ANKRD11: variants seen among roughly 807,000 people sequenced by gnomAD.
The protein encoded by ANKRD11 is ankyrin repeat domain-containing protein 11.
In ANKRD11, 17 loss-of-function variants were observed where a neutral mutation model predicts 195.7. The observed-to-expected ratio is 0.09, with a 90% confidence interval of 0.06 to 0.13. ANKRD11 has a LOEUF of 0.13. Ranked by LOEUF, ANKRD11 falls within the 10% of genes least tolerant of loss-of-function variation. The pLI, the probability that ANKRD11 is intolerant of heterozygous loss-of-function variation, is 1.00. For synonymous variants in ANKRD11, 1,953 were observed against 1,528.1 expected (o/e 1.28, Z -6.49); for missense variants, 3,735 against 3,566.1 (o/e 1.05, Z -1.21).
chr16:89,450,656 C>T (rs954888284), intron 1 of ANKRD11, among the ~76,000 whole-genome samples: 7 of 152,142 alleles, frequency 4.6e-5, no homozygotes, highest in Non-Finnish European at 8.8e-5. Flanking sequence ...TCTCCAAATT[C>T]TCAAAACATT....
chr16:89,371,315 G>A (rs1422352969), intron 2 of ANKRD11, among the ~76,000 whole-genome samples: 2 of 152,184 alleles, frequency 1.3e-5, no homozygotes, highest in Non-Finnish European at 2.9e-5. Flanking sequence ...AACAAATAAA[G>A]AATAAGAAAG....
At chr16:89,376,813 G>C (rs1161509396) in intron 2 of ANKRD11, among the ~76,000 whole-genome samples, 1 of 152,228 alleles carries the variant, frequency 6.6e-6, no homozygotes, top group Non-Finnish European at 1.5e-5. Flanking sequence ...ACATTTGTTA[G>C]TAAGAAAGAG....
In ANKRD11 at chr16:89,280,605, G is replaced by C; in HGVS notation, c.5937C>G (p.Leu1979=). The change falls in exon 9 of 13, where the codon CTC becomes CTG. Residue 1979 remains leucine (L), a synonymous_variant. Transcript: ENST00000301030. ...NPVSWPVGSD[L]LLKSPQRFPE... Reference sequence around the variant, plus strand: ...GGAATCTCTGTGGAGACTTCAGCAGGAGGTCCGAGCCCACAGGCCAGCTCA... The same window carrying C: ...GGAATCTCTGTGGAGACTTCAGCAGCAGGTCCGAGCCCACAGGCCAGCTCA... 1 of 1,613,516 alleles carries C rather than the reference G, an allele frequency of 6.2e-7. No individual in the cohort carries two copies.
At position 89,280,877 on chromosome 16, in the gene ANKRD11, T is replaced by C. The variant is rs202034147; in HGVS notation, c.5665A>G (p.Lys1889Glu). ...TCGGCTCTGGGGGAAGGGGAAGGTT[T>C]TGCTTGTAAACTTGAGAAGACGCCC... Reference protein sequence around the residue: ...PEGVFSSLQAKPSPSPRAELL... With the variant: ...PEGVFSSLQAEPSPSPRAELL... Residue 1889 changes from lysine (K) to glutamate (E), a missense_variant, in exon 9 of 13, where the codon AAA becomes GAA. Physicochemically the swap from Lys to Glu is moderately conservative, Grantham distance 56. Transcript: ENST00000301030. The C allele has an allele frequency of 5.1e-4, 811 of 1,604,228 alleles. 6 individuals are homozygous for C. In the East Asian group the frequency reaches 0.016, roughly 32 times the overall value.
intron 2 of ANKRD11, among the ~76,000 whole-genome samples, chr16:89,348,336 T>C (rs1461719414): frequency 2.6e-5 from 4 of 152,194 alleles, no homozygotes; most frequent in African/African-American, 9.6e-5. Context: ...CTAAACCAAA[T>C]TTGAACTTCT....
intron 1 of ANKRD11, chr16:89,422,090 G>A (rs984568882): frequency 9.9e-5 from 15 of 152,234 alleles, no homozygotes; most frequent in African/African-American, 3.4e-4. Context: ...CCTTTAAGTG[G>A]GTTATTTGCC....
intron 4 of ANKRD11, among the ~76,000 whole-genome samples, chr16:89,302,165 G>T (rs1468532150): frequency 2.0e-5 from 3 of 152,256 alleles, no homozygotes; most frequent in African/African-American, 7.2e-5. Context: ...CTCCTCTGGG[G>T]GAAGGAGGGG....
intron 2 of ANKRD11, chr16:89,403,790 G>A (rs149915612): frequency 1.3e-3 from 195 of 152,278 alleles, no homozygotes; most frequent in African/African-American, 4.4e-3. Context: ...AAAATTAGGC[G>A]GGTGTGGTGA....
intron 1 of ANKRD11, among the ~76,000 whole-genome samples, chr16:89,449,153 C>G (rs1260580707): frequency 6.7e-6 from 1 of 150,094 alleles, no homozygotes; most frequent in Admixed American, 6.6e-5. Context: ...GAATTTAAGA[C>G]CTGCCTAACC....
chr16:89,409,407 C>T (rs1462807495), intron 2 of ANKRD11, among the ~76,000 whole-genome samples: 1 of 152,218 alleles, frequency 6.6e-6, no homozygotes, highest in Non-Finnish European at 1.5e-5. Flanking sequence ...CATTCTTCCT[C>T]CGTGGGTTGC....
At chr16:89,357,675 GC>G in intron 2 of ANKRD11, among the ~76,000 whole-genome samples, 1 of 152,316 alleles carries the variant, frequency 6.6e-6, no homozygotes, top group South Asian at 2.1e-4. Flanking sequence ...ACGCGACTCA[GC>G]CCTAACGAGG....
At chr16:89,449,207 A>G (rs1375927501) in intron 1 of ANKRD11, among the ~76,000 whole-genome samples, 1 of 151,778 alleles carries the variant, frequency 6.6e-6, no homozygotes, top group Non-Finnish European at 1.5e-5. Context: ...AAAAAAAAGA[A>G]AAATTTGCAG....
At chr16:89,359,946 A>AT (rs1322863644) in intron 2 of ANKRD11, among the ~76,000 whole-genome samples, 5 of 151,898 alleles carry the variant, frequency 3.3e-5, no homozygotes, top group African/African-American at 1.2e-4. Context: ...GTACTACATA[A>AT]GTAAACACAT....
In ANKRD11 at chr16:89,281,748, G is replaced by C; in HGVS notation, c.4794C>G (p.His1598Gln). 6.2e-7 allele frequency: 1 copy of C among 1,613,964 alleles called. No individual in the cohort carries two copies. Among genetic ancestry groups the C allele is most frequent in the Non-Finnish European group, 8.5e-7 (1 of 1,179,996 alleles). Reference sequence around the variant, plus strand: ...GCTTCATCCTCTCCTTGTGCCGCTTGTGGCGCTCCTCGATCTCCAGGTCCT... The same window carrying C: ...GCTTCATCCTCTCCTTGTGCCGCTTCTGGCGCTCCTCGATCTCCAGGTCCT... ...SQKDLEIEER[H>Q]KRHKERMKQM... is the part of the protein sequence containing the mutation. The change falls in exon 9 of 13, where the codon CAC (histidine) becomes CAG (glutamine). Residue 1598 changes from histidine (H) to glutamine (Q), a missense_variant. Physicochemically the swap from His to Gln is conservative, Grantham distance 24 (BLOSUM62 0). Coordinates refer to ENST00000301030, the MANE Select transcript of ANKRD11 (RefSeq NM_013275.6). This position sits in a 1 kb window ranked among gnomAD's most constrained non-coding sequence, Gnocchi z 5.5.
At position 89,414,042 on chromosome 16, in the gene ANKRD11, C is replaced by T. The variant is rs571862247; in HGVS notation, c.-60+4242G>A. On this transcript the variant is annotated intron_variant, in intron 2 of 12. Transcript: ENST00000301030. The stretch of plus-strand genomic sequence containing the variant: ...CCACCACGGGCCTGCACACCCTCCG[C>T]CACGGGCCTGCACACCCTCCAGGAT... Among the ~76,000 whole-genome samples, 9 of 149,524 alleles carry T rather than the reference C, an allele frequency of 6.0e-5. No homozygotes were observed. The East Asian group carries it at 1.7e-3, about 29-fold the overall frequency.
rs1430814953 is a variant in ANKRD11, at chr16:89,282,350, C to T, written c.4192G>A (p.Glu1398Lys). The change falls in exon 9 of 13, where the codon GAG (glutamate) becomes AAG (lysine). Residue 1398 changes from glutamate to lysine, a missense_variant. By Grantham distance (56) the Glu-to-Lys change is moderately conservative (BLOSUM62 1). Coordinates refer to ENST00000301030, the MANE Select transcript of ANKRD11 (RefSeq NM_013275.6). ...DSGQYEKDFL[E>K]ADAYGVSYNM... ...TAAGAAACTCCGTAAGCATCCGCCT[C>T]CAGGAAGTCCTTTTCGTACTGGCCG... is the stretch of plus-strand genomic sequence containing the variant. 7 of 1,614,092 alleles carry T rather than the reference C, an allele frequency of 4.3e-6. No individual in the cohort carries two copies. The highest frequency in any genetic ancestry group is 5.1e-6 in the Non-Finnish European group (6 of 1,180,056).
intron 2 of ANKRD11, among the ~76,000 whole-genome samples, chr16:89,409,171 C>T (rs1004502807): frequency 3.3e-5 from 5 of 152,166 alleles, no homozygotes; most frequent in Non-Finnish European, 5.9e-5. Context: ...GTGAAGCCGA[C>T]GGTCTGAGGA....
chr16:89,462,886 C>T (rs1457764998), intron 1 of ANKRD11, among the ~76,000 whole-genome samples: 1 of 151,288 alleles, frequency 6.6e-6, no homozygotes. Context: ...CCGCCCCATC[C>T]GGGAGGGAGG....
At chr16:89,449,651 G>T (rs1486656096) in intron 1 of ANKRD11, among the ~76,000 whole-genome samples, 2 of 152,014 alleles carry the variant, frequency 1.3e-5, no homozygotes, top group Non-Finnish European at 2.9e-5. Flanking sequence ...AAATTACCAG[G>T]GCGTGGTGGT....
Sources: gnomAD v4.1 joint callset for allele counts (sites outside exome capture counted in the v4.1 genomes callset) on GRCh38, gnomAD v4.1.1 for gene constraint, Gnocchi (gnomAD v3.1) non-coding constraint, MANE v1.5 for transcripts, NCBI Gene and HGNC (gene_info 2026-07-23, HGNC 2026-07-21) for gene names.